The following PTPN2 variants were observed in gnomAD, a reference collection of about 807,000 sequenced individuals.
PTPN2 encodes the protein protein tyrosine phosphatase non-receptor type 2, also known as tyrosine-protein phosphatase non-receptor type 2.
In PTPN2, 19 loss-of-function variants were observed where a neutral mutation model predicts 57.3. The ratio of observed to expected loss-of-function variants is 0.33; its 90% CI spans 0.23 to 0.49. PTPN2 has a LOEUF of 0.49. Among genes scored for constraint, PTPN2 ranks in the 20% least tolerant of loss-of-function variants. The probability of loss-of-function intolerance (pLI) is 0.99; values close to 1 mark genes in which losing one functional copy is unlikely to be tolerated. For missense variants in PTPN2, 358 were observed against 501.1 expected (o/e 0.71, Z 2.73); for synonymous variants, 153 against 164.9 (o/e 0.93, Z 0.55).
intron 1 of PTPN2, among the ~76,000 whole-genome samples, chr18:12,869,636 C>G (rs1267551350): frequency 6.6e-6 from 1 of 152,116 alleles, no homozygotes; most frequent in Non-Finnish European, 1.5e-5. Flanking sequence ...CAAATTCTCC[C>G]TCGAACTGCT....
chr18:12,803,560 C>G (rs1442359024), intron 7 of PTPN2, among the ~76,000 whole-genome samples: 2 of 152,174 alleles, frequency 1.3e-5, no homozygotes, highest in Admixed American at 1.3e-4. Context: ...AATGATACTC[C>G]ATGCAAATTA....
intron 5 of PTPN2, among the ~76,000 whole-genome samples, chr18:12,819,820 T>C (rs909198975): frequency 2.2e-5 from 2 of 91,962 alleles, no homozygotes; most frequent in Non-Finnish European, 4.4e-5. Flanking sequence ...CAGCGGGGGG[T>C]GGGGGGGATA....
chr18:12,867,905 C>A (rs2044046153), intron 1 of PTPN2, among the ~76,000 whole-genome samples: 1 of 152,196 alleles, frequency 6.6e-6, no homozygotes, highest in Non-Finnish European at 1.5e-5. Context: ...CTGCCTCTAC[C>A]TCATACTATT....
At chr18:12,870,446 T>C (rs1288280121) in intron 1 of PTPN2, among the ~76,000 whole-genome samples, 5 of 22,634 alleles carry the variant, frequency 2.2e-4, no homozygotes, top group African/African-American at 7.5e-4. Context: ...TATGTGTATA[T>C]ATATATATAT....
At chr18:12,855,663 G>A (rs1478079301) in intron 2 of PTPN2, among the ~76,000 whole-genome samples, 1 of 152,122 alleles carries the variant, frequency 6.6e-6, no homozygotes, top group East Asian at 1.9e-4. Flanking sequence ...TGGCAGTGGG[G>A]CAGACGAGGG....
At position 12,817,171 on chromosome 18, in the gene PTPN2, G is replaced by A; in HGVS notation, c.690C>T (p.Asp230=). 1 of 1,613,966 alleles carries A rather than the reference G, an allele frequency of 6.2e-7. No individual in the cohort carries two copies. Among genetic ancestry groups the A allele is most frequent in the Non-Finnish European group, 8.5e-7 (1 of 1,179,922 alleles). ...AAGCACTTACCAAAACAAGACAAGT[G>A]TCTACCAGAGAGAAGGTGCCAGAGC... The part of the protein sequence containing the change: ...IGRSGTFSLV[D]TCLVLMEKGD... Residue 230 remains aspartate (D), a synonymous_variant, in exon 6 of 9, where the codon GAC becomes GAT. Coordinates refer to ENST00000309660, the MANE Select transcript of PTPN2 (RefSeq NM_002828.4).
intron 7 of PTPN2, among the ~76,000 whole-genome samples, chr18:12,805,030 T>C (rs747763279): frequency 4.6e-5 from 7 of 152,070 alleles, no homozygotes; most frequent in Non-Finnish European, 1.0e-4. Flanking sequence ...CATGACCAAG[T>C]GGGATTCATC....
intron 2 of PTPN2, among the ~76,000 whole-genome samples, chr18:12,846,458 T>C (rs1306234746): frequency 6.6e-6 from 1 of 152,232 alleles, no homozygotes; most frequent in African/African-American, 2.4e-5. Context: ...TCCTATTTTA[T>C]TCAATAGGTT....
Position 12,817,276 on chromosome 18 carries a change from G to T in PTPN2, c.585C>A (p.Phe195Leu). Residue 195 changes from phenylalanine (F) to leucine (L), a missense_variant, in exon 6 of 9, where the codon TTC (phenylalanine) becomes TTA (leucine). Around this residue, in one of 4 missense-constraint regions of PTPN2, gnomAD observed 193 missense variants for 315.4 expected, o/e 0.61. Transcript: ENST00000309660. Reference protein sequence around the residue: ...VPESPASFLNFLFKVRESGSL... With the variant: ...VPESPASFLNLLFKVRESGSL... ...AGCCAGATTCTCTCACTTTAAACAA[G>T]AAATTGAGAAATGAAGCTGGTGATT... 4.3e-6 allele frequency: 7 copies of T among 1,614,036 alleles called. No homozygotes were observed. The highest frequency in any genetic ancestry group is 5.9e-6 in the Non-Finnish European group (7 of 1,179,916).
At chr18:12,845,138 T>C (rs1242453433) in intron 2 of PTPN2, among the ~76,000 whole-genome samples, 2 of 152,206 alleles carry the variant, frequency 1.3e-5, no homozygotes, top group Non-Finnish European at 2.9e-5. Context: ...TTTATTTTAG[T>C]TCCTTTGCCT....
intron 1 of PTPN2, among the ~76,000 whole-genome samples, chr18:12,860,243 C>T (rs551628492): frequency 2.0e-5 from 3 of 150,440 alleles, no homozygotes; most frequent in African/African-American, 7.4e-5. Flanking sequence ...GAGCCAAGAT[C>T]GTGCCATTGC....
chr18:12,806,020 G>A (rs1179976212), intron 7 of PTPN2, among the ~76,000 whole-genome samples: 2 of 152,074 alleles, frequency 1.3e-5, no homozygotes, highest in African/African-American at 2.4e-5. Flanking sequence ...AATTGGAAAG[G>A]AGGAAGTCAA....
At chr18:12,836,664 G>A (rs566391586) in intron 3 of PTPN2, 127 bp downstream of exon 3, 24 of 607,180 alleles carry the variant, frequency 4.0e-5, no homozygotes, top group East Asian at 5.8e-5. Context: ...TCATTACATC[G>A]TCAGAAAAAA....
In PTPN2 at chr18:12,822,090, A is replaced by C. The variant is rs935896173; in HGVS notation, c.495+3720T>G. ...AAGTATAAGAAGAATCATAGCTGTTAGGGATCAATGTGTCATAGATACATG... is the reference window on the plus strand; with the variant it reads ...AAGTATAAGAAGAATCATAGCTGTTCGGGATCAATGTGTCATAGATACATG... On this transcript the variant is annotated intron_variant, in intron 5 of 8. Transcript: ENST00000309660. Among the ~76,000 whole-genome samples, 104 of 152,324 alleles carry C rather than the reference A, an allele frequency of 6.8e-4. 1 individual carries two copies. The highest frequency in any genetic ancestry group is 2.5e-3 in the African/African-American group (102 of 41,566).
chr18:12,872,059 CAAAAAAA>C (rs2044286318), intron 1 of PTPN2, among the ~76,000 whole-genome samples: 2 of 73,402 alleles, frequency 2.7e-5, no homozygotes, highest in Non-Finnish European at 5.8e-5. Flanking sequence ...AAAAAAAAAA[CAAAAAAA>C]CAAAAAAACA....
At chr18:12,819,482 G>A (rs763103890) in intron 5 of PTPN2, among the ~76,000 whole-genome samples, 16 of 151,994 alleles carry the variant, frequency 1.1e-4, no homozygotes, top group East Asian at 1.9e-4. Flanking sequence ...TCTGGCTGGG[G>A]GTAGAGGACA....
intron 5 of PTPN2, among the ~76,000 whole-genome samples, chr18:12,820,097 TC>T (rs1385075969): frequency 1.3e-5 from 2 of 152,128 alleles, no homozygotes; most frequent in Non-Finnish European, 2.9e-5. Flanking sequence ...GCTTGCTTTC[TC>T]TTTGCTTGTA....
At chr18:12,814,832 C>T (rs925444330) in intron 6 of PTPN2, among the ~76,000 whole-genome samples, 1 of 152,004 alleles carries the variant, frequency 6.6e-6, no homozygotes, top group Non-Finnish European at 1.5e-5. Context: ...ATGGCTCATG[C>T]CTGTAATCCC....
intron 7 of PTPN2, among the ~76,000 whole-genome samples, chr18:12,806,983 T>C (rs527910860): frequency 1.4e-4 from 21 of 152,250 alleles, no homozygotes; most frequent in African/African-American, 3.4e-4. Flanking sequence ...AAGCAATCGA[T>C]AGACTGAAGA....
Sources: gnomAD v4.1 joint callset for allele counts (sites outside exome capture counted in the v4.1 genomes callset) on GRCh38, gnomAD v4.1.1 for gene constraint, gnomAD v4.1.1 regional missense constraint, MANE v1.5 for transcripts, NCBI Gene and HGNC (gene_info 2026-07-23, HGNC 2026-07-21) for gene names.